KLF3: variants seen among roughly 807,000 people sequenced by gnomAD.
The protein encoded by KLF3 is Krueppel-like factor 3.
A neutral mutation model predicts 32.7 loss-of-function variants in KLF3; 6 were observed. The ratio of observed to expected loss-of-function variants is 0.18; its 90% confidence interval spans 0.10 to 0.36. The LOEUF is 0.36. Ranked by LOEUF, KLF3 falls within the 10% of genes least tolerant of loss-of-function variation. The pLI is 1.00. For missense variants in KLF3, 338 were observed against 449.7 expected (o/e 0.75, Z 2.25); for synonymous variants, 145 against 172.8 (o/e 0.84, Z 1.26).
At chr4:38,695,662 A>G (rs780249481) in intron 5 of KLF3, among the ~76,000 whole-genome samples, 32 of 152,196 alleles carry the variant, frequency 2.1e-4, no homozygotes, top group African/African-American at 7.2e-4. Context: ...GTTTGAGCCC[A>G]GGAGTTCAAG....
chr4:38,688,524 C>T lies in KLF3; in HGVS notation c.58-61C>T. 3.4e-6 allele frequency: 5 copies of T among 1,489,254 alleles called. No individual in the cohort carries two copies. The highest frequency in any genetic ancestry group is 4.5e-6 in the Non-Finnish European group (5 of 1,109,156). 92.3% of individuals were successfully genotyped at this position (1,489,254 alleles called of 1,614,324 possible). A position where few individuals can be genotyped will look rare whatever the true frequency, so the allele number is the denominator to read the frequency against. ...CCTTGTTAGCATATTTTTCTTAATT[C>T]ATGTTTCAAGTAAATGGACTTATTT... On this transcript the variant is annotated intron_variant, in intron 2 of 5. Coordinates refer to ENST00000261438, the MANE Select transcript of KLF3 (RefSeq NM_016531.6). The surrounding 1 kb of genome is among the most constrained non-coding windows in gnomAD (Gnocchi z 4.9).
intron 2 of KLF3, among the ~76,000 whole-genome samples, chr4:38,687,075 G>A (rs1722725864): frequency 6.6e-6 from 1 of 152,212 alleles, no homozygotes; most frequent in African/African-American, 2.4e-5. Context: ...AATTAATAGT[G>A]CATTTACGCT....
At chr4:38,689,911 A>G in intron 4 of KLF3, 32 bp downstream of exon 4, 1 of 1,475,632 alleles carries the variant, frequency 6.8e-7, no homozygotes. Flanking sequence ...CAGCATTTGC[A>G]TAGTAGTGTG....
chr4:38,693,605 C>T (rs911983937), intron 4 of KLF3, among the ~76,000 whole-genome samples: 5 of 151,822 alleles, frequency 3.3e-5, no homozygotes, highest in East Asian at 1.9e-4. Flanking sequence ...CTTTTTTCTC[C>T]TCAAACACTT....
chr4:38,691,624 CTTTTA>C (rs562891205), intron 4 of KLF3, among the ~76,000 whole-genome samples: 5 of 152,146 alleles, frequency 3.3e-5, no homozygotes, highest in Admixed American at 2.0e-4. Flanking sequence ...AAAGAAAATA[CTTTTA>C]TTTTAAGTAA....
chr4:38,689,661 C>CAGT, intron 3 of KLF3, 68 bp from the exon 4 acceptor site: 1 of 1,117,526 alleles, frequency 8.9e-7, no homozygotes. Context: ...AGGAGCTATG[C>CAGT]AGTAAGCTTT....
chr4:38,670,071 T>G (rs1722158045), intron 1 of KLF3, among the ~76,000 whole-genome samples: 1 of 152,212 alleles, frequency 6.6e-6, no homozygotes, highest in Non-Finnish European at 1.5e-5. Context: ...CAAAACAGGC[T>G]CCTGGAGGTT....
chr4:38,669,421 A>G (rs890311342), intron 1 of KLF3, among the ~76,000 whole-genome samples: 1 of 152,146 alleles, frequency 6.6e-6, no homozygotes, highest in Non-Finnish European at 1.5e-5. Flanking sequence ...AGCTGGAGAC[A>G]GGAAACCAGA....
chr4:38,682,703 G>GA (rs916989195), intron 2 of KLF3, among the ~76,000 whole-genome samples: 126 of 147,242 alleles, frequency 8.6e-4, no homozygotes, highest in African/African-American at 2.8e-3. Context: ...GCACTTAACC[G>GA]AAAAAAAAAA....
chr4:38,672,368 G>A (rs143358656), intron 1 of KLF3, among the ~76,000 whole-genome samples: 3 of 152,188 alleles, frequency 2.0e-5, no homozygotes, highest in Non-Finnish European at 2.9e-5. Context: ...TACTGGTGGC[G>A]GTGTGGGACG....
Position 38,697,483 on chromosome 4 carries a change from C to T in KLF3, c.*220C>T. ...GGGTCAGACCTAAAGAATGTGAACA[C>T]TTTTTTTTTTTTTTCTGGGGATGCT... On this transcript the variant is annotated 3_prime_UTR_variant, in exon 6 of 6. Transcript: ENST00000261438. The T allele has an allele frequency of 5.8e-6, 2 of 346,340 alleles. No individual in the cohort carries two copies. The highest frequency in any genetic ancestry group is 8.7e-5 in the East Asian group (2 of 22,946). The allele number at this position is 346,340 out of a possible 1,614,324, so 21.5% of individuals were successfully genotyped here.
rs1437218845 is a variant in KLF3, at chr4:38,698,499, A to G, written c.*1236A>G. The G allele has an allele frequency of 6.6e-6, 1 of 152,646 alleles. No homozygotes were observed. Among genetic ancestry groups the G allele is most frequent in the African/African-American group, 2.4e-5 (1 of 41,448 alleles). The allele number at this position is 152,646 out of a possible 1,614,324, so 9.5% of individuals were successfully genotyped here. Reference sequence around the variant, plus strand: ...TAAGACCTGAGTGACACTATTTGTAAATATAACTAGTTGTGAAGCACACAT... The same window carrying G: ...TAAGACCTGAGTGACACTATTTGTAGATATAACTAGTTGTGAAGCACACAT... On this transcript the variant is annotated 3_prime_UTR_variant, in exon 6 of 6. Transcript: ENST00000261438.
intron 2 of KLF3, among the ~76,000 whole-genome samples, chr4:38,687,863 A>G (rs1367630649): frequency 6.6e-6 from 1 of 151,690 alleles, no homozygotes. Context: ...ATGGTGACTG[A>G]CCCCCTCCTG....
chr4:38,690,891 T>A (rs1560419512), intron 4 of KLF3: 1 of 152,166 alleles, frequency 6.6e-6, no homozygotes. Context: ...ACATTCAGCT[T>A]GGGTAGGTAC....
intron 2 of KLF3, among the ~76,000 whole-genome samples, chr4:38,684,324 C>A (rs1277521558): frequency 6.6e-6 from 1 of 152,030 alleles, no homozygotes; most frequent in African/African-American, 2.4e-5. Flanking sequence ...TAATAAAAAC[C>A]TGCTAAGAGA....
At chr4:38,683,310 C>G (rs756282734) in intron 2 of KLF3, among the ~76,000 whole-genome samples, 1 of 152,114 alleles carries the variant, frequency 6.6e-6, no homozygotes, top group East Asian at 1.9e-4. Context: ...AAGGATAGCA[C>G]AGCAGAAACA....
intron 5 of KLF3, among the ~76,000 whole-genome samples, chr4:38,695,200 G>A (rs1723012726): frequency 1.3e-5 from 2 of 152,198 alleles, no homozygotes; most frequent in Non-Finnish European, 2.9e-5. Flanking sequence ...GCTGGAATGG[G>A]GGAAGTGCTT....
chr4:38,693,095 TATATATATGTACATATATATAC>T (rs1449496331), intron 4 of KLF3, among the ~76,000 whole-genome samples: 1 of 112,214 alleles, frequency 8.9e-6, no homozygotes, highest in Non-Finnish European at 1.8e-5. Context: ...TATACACGTA[TATATATATGTACATATATATAC>T]ATATATATAT....
intron 5 of KLF3, 102 bp from the exon 6 acceptor site, chr4:38,696,980 G>T: frequency 1.0e-6 from 1 of 973,606 alleles, no homozygotes. Context: ...AAGAACAAAT[G>T]TATGAACATA....
Sources: gnomAD v4.1 joint callset for allele counts (sites outside exome capture counted in the v4.1 genomes callset) on GRCh38, gnomAD v4.1.1 for gene constraint, Gnocchi (gnomAD v3.1) non-coding constraint, MANE v1.5 for transcripts, NCBI Gene and HGNC (gene_info 2026-07-23, HGNC 2026-07-21) for gene names.